CHP1: variants seen among roughly 807,000 people sequenced by gnomAD.
The protein encoded by CHP1 is calcineurin like EF-hand protein 1.
In CHP1, 11 loss-of-function variants were observed where a neutral mutation model predicts 27.4. The ratio of observed to expected loss-of-function variants is 0.40; its 90% CI spans 0.25 to 0.67. CHP1 has a LOEUF of 0.67. CHP1 is among the 30% of genes least tolerant of loss of function. The pLI, the probability that CHP1 is intolerant of heterozygous loss-of-function variation, is 0.38. For missense variants in CHP1, 169 were observed against 251.3 expected (o/e 0.67, Z 2.22); for synonymous variants, 89 against 87.4 (o/e 1.02, Z -0.10).
intron 1 of CHP1, among the ~76,000 whole-genome samples, chr15:41,243,209 C>T (rs1265599873): frequency 1.3e-5 from 2 of 150,738 alleles, no homozygotes; most frequent in East Asian, 2.0e-4. Flanking sequence ...GGTGTGGTGG[C>T]GGAAGCCTGT....
intron 4 of CHP1, 35 bp downstream of exon 4, chr15:41,262,918 GC>G: frequency 6.2e-7 from 1 of 1,606,772 alleles, no homozygotes; most frequent in Non-Finnish European, 8.5e-7. Context: ...TAAAATACTT[GC>G]TTTTCATTTC....
chr15:41,266,084 G>C (rs909925700), intron 4 of CHP1, among the ~76,000 whole-genome samples: 1 of 152,122 alleles, frequency 6.6e-6, no homozygotes, highest in African/African-American at 2.4e-5. Flanking sequence ...AGGAGTTCGA[G>C]ACCAGCCTGA....
At chr15:41,254,026 T>C (rs1482803684) in intron 2 of CHP1, among the ~76,000 whole-genome samples, 1 of 151,970 alleles carries the variant, frequency 6.6e-6, no homozygotes, top group Non-Finnish European at 1.5e-5. Context: ...ACTCCTAGCC[T>C]GAAGCAGTTC....
In CHP1 at chr15:41,253,780, G is replaced by C. The variant is rs2047383741; in HGVS notation, c.141-3130G>C. On this transcript the variant is annotated intron_variant, in intron 2 of 6. Transcript: ENST00000334660. ...ACAAATTATTTTTTATACTCTTTCT[G>C]TTTGTTTTGTTTTTTCTGTTTTGAA... Among the ~76,000 whole-genome samples, 4 of 151,340 alleles carry C rather than the reference G, an allele frequency of 2.6e-5. No homozygotes were observed. In the South Asian group the frequency reaches 8.4e-4, roughly 32 times the overall value.
At chr15:41,266,860 CATG>C (rs1258417550) in intron 4 of CHP1, among the ~76,000 whole-genome samples, 1 of 151,976 alleles carries the variant, frequency 6.6e-6, no homozygotes, top group Non-Finnish European at 1.5e-5. Context: ...ATTAGCCTGG[CATG>C]GTGGTGGATA....
intron 5 of CHP1, among the ~76,000 whole-genome samples, chr15:41,271,610 A>G (rs958399337): frequency 6.6e-6 from 1 of 152,090 alleles, no homozygotes; most frequent in Non-Finnish European, 1.5e-5. Flanking sequence ...AGAGTCAAGG[A>G]GCTGCTGCTG....
intron 4 of CHP1, among the ~76,000 whole-genome samples, chr15:41,265,865 A>T (rs2047457619): frequency 6.6e-6 from 1 of 152,234 alleles, no homozygotes; most frequent in Admixed American, 6.5e-5. Context: ...AATCACGATC[A>T]GCAAGGCTGA....
intron 1 of CHP1, among the ~76,000 whole-genome samples, chr15:41,240,715 T>A (rs941108338): frequency 5.5e-5 from 8 of 144,610 alleles, no homozygotes; most frequent in African/African-American, 7.7e-5. Context: ...ATTGTGCCAT[T>A]GCGCTCCAGC....
In CHP1 at chr15:41,279,690, G is replaced by A. The variant is rs2047536480; in HGVS notation, c.*301G>A. ...ACATCCATCCAGTCTGAGAAAGTGA[G>A]AGAGGCAATCATGCCAAGAACAAGC... On this transcript the variant is annotated 3_prime_UTR_variant, in exon 7 of 7. Coordinates refer to ENST00000334660, the MANE Select transcript of CHP1 (RefSeq NM_007236.5). 2 of 322,556 alleles carry A rather than the reference G, an allele frequency of 6.2e-6. No individual in the cohort carries two copies. The highest frequency in any genetic ancestry group is 1.1e-4 in the East Asian group (2 of 18,478). The allele number at this position is 322,556 out of a possible 1,614,324, so 20.0% of individuals were successfully genotyped here.
intron 2 of CHP1, among the ~76,000 whole-genome samples, chr15:41,246,415 G>A (rs998387834): frequency 6.6e-6 from 1 of 151,354 alleles, no homozygotes; most frequent in Admixed American, 6.6e-5. Flanking sequence ...TGCCTCCCGG[G>A]TTCAAGTGAT....
At chr15:41,235,088 T>C (rs544753017) in intron 1 of CHP1, among the ~76,000 whole-genome samples, 15 of 152,330 alleles carry the variant, frequency 9.8e-5, no homozygotes, top group African/African-American at 3.6e-4. Context: ...CTACCTTCTT[T>C]CAGACTTCTG....
chr15:41,247,152 T>C (rs886880196), intron 2 of CHP1, among the ~76,000 whole-genome samples: 1 of 151,816 alleles, frequency 6.6e-6, no homozygotes, highest in African/African-American at 2.4e-5. Context: ...GTGGATCACT[T>C]GAGGCCAGGA....
At chr15:41,249,374 G>A (rs904944485) in intron 2 of CHP1, among the ~76,000 whole-genome samples, 1 of 150,338 alleles carries the variant, frequency 6.7e-6, no homozygotes, top group African/African-American at 2.5e-5. Context: ...GACTGGTCTC[G>A]AACTCCTGAA....
At chr15:41,250,717 C>CT (rs2047362039) in intron 2 of CHP1, among the ~76,000 whole-genome samples, 1 of 149,236 alleles carries the variant, frequency 6.7e-6, no homozygotes, top group Non-Finnish European at 1.5e-5. Flanking sequence ...CATTTTTAGT[C>CT]TAAGAAGGTT....
At chr15:41,273,121 C>T (rs190604522) in intron 5 of CHP1, among the ~76,000 whole-genome samples, 11 of 151,580 alleles carry the variant, frequency 7.3e-5, no homozygotes, top group Non-Finnish European at 1.3e-4. Flanking sequence ...TTGTAAAAAT[C>T]CTAAACAAAA....
chr15:41,275,347 G>A (rs2047514387), intron 5 of CHP1, among the ~76,000 whole-genome samples: 1 of 151,842 alleles, frequency 6.6e-6, no homozygotes, highest in Non-Finnish European at 1.5e-5. Context: ...TAGAGATGGG[G>A]TTTCACCATG....
intron 3 of CHP1, among the ~76,000 whole-genome samples, chr15:41,261,075 ATTCCTTCCTTCC>A (rs576713453): frequency 2.7e-4 from 40 of 150,560 alleles, no homozygotes. Flanking sequence ...TAATTGATTG[ATTCCTTCCTTCC>A]TTCCTTTCCT....
intron 1 of CHP1, among the ~76,000 whole-genome samples, chr15:41,232,491 G>A (rs1360830814): frequency 6.6e-6 from 1 of 151,732 alleles, no homozygotes; most frequent in African/African-American, 2.4e-5. Context: ...GATTACAGGT[G>A]TGAGCCACCG....
chr15:41,267,514 T>C (rs1220195959), intron 4 of CHP1, among the ~76,000 whole-genome samples: 5 of 151,622 alleles, frequency 3.3e-5, no homozygotes, highest in Non-Finnish European at 7.4e-5. Flanking sequence ...ATACAAAAAT[T>C]AGCTGGGTGT....
Sources: allele counts gnomAD v4.1 joint callset (sites outside exome capture counted in the v4.1 genomes callset), GRCh38; gene constraint gnomAD v4.1.1; transcripts MANE v1.5; gene names NCBI Gene and HGNC (gene_info 2026-07-23, HGNC 2026-07-21).